Variants in CKAP5 observed in about 807,000 individuals in gnomAD.
The protein encoded by CKAP5 is cytoskeleton-associated protein 5.
Under a neutral mutation model 232.8 loss-of-function variants are expected in CKAP5, and 27 were observed. The ratio of observed to expected loss-of-function variants is 0.12; its 90% CI spans 0.09 to 0.16. The LOEUF (loss-of-function observed/expected upper bound fraction) is 0.16. CKAP5 is among the 10% of genes least tolerant of loss of function. The probability of loss-of-function intolerance (pLI) is 1.00; values close to 1 mark genes in which losing one functional copy is unlikely to be tolerated. For missense variants in CKAP5, 1,838 were observed against 2,424.7 expected, an observed-to-expected ratio of 0.76 and a Z score of 5.08; for synonymous variants, 785 against 841.1, an observed-to-expected ratio of 0.93 and a Z score of 1.16.
rs200909214 is a variant in CKAP5, at chr11:46,778,474, C to A, written c.2559G>T (p.Pro853=). The change falls in exon 21 of 44, where the codon CCG becomes CCT. Residue 853 remains proline, a synonymous_variant. Transcript: ENST00000529230. The part of the protein sequence containing the change: ...DGSNDVVDLL[P]RTEISDKITS... ...CTGGAACCTACCTGATCTCCGTCCT[C>A]GGCAAAAGATCAACGACATCATTGC... 4 of 1,614,144 alleles carry A rather than the reference C, an allele frequency of 2.5e-6. No individual in the cohort carries two copies. Among genetic ancestry groups the A allele is most frequent in the African/African-American group, 2.7e-5 (2 of 75,046 alleles).
Position 46,786,382 on chromosome 11 carries a change from C to T in CKAP5, c.1969-1709G>A, listed in dbSNP as rs542294424. Among the ~76,000 whole-genome samples, 5 of 152,278 alleles carry T rather than the reference C, an allele frequency of 3.3e-5. No homozygotes were observed. In the South Asian group the frequency reaches 8.3e-4, roughly 25 times the overall value. ...GTGGGGGGACAGCTCAGGTTTGGAC[C>T]TCCTCAAAAAGTTTTGACCCAAAGT... On this transcript the variant is annotated intron_variant, in intron 16 of 43. Coordinates refer to ENST00000529230, the MANE Select transcript of CKAP5 (RefSeq NM_001008938.4).
Position 46,750,385 on chromosome 11 carries a change from T to C in CKAP5, c.5593A>G (p.Ile1865Val). The C allele has an allele frequency of 1.4e-5, 23 of 1,614,176 alleles. No individual in the cohort carries two copies. Among genetic ancestry groups the C allele is most frequent in the Non-Finnish European group, 1.8e-5 (21 of 1,179,990 alleles). The change falls in exon 42 of 44, where the codon ATT becomes GTT. Residue 1865 changes from isoleucine (I) to valine (V), a missense_variant. Physicochemically the swap from Ile to Val is conservative, Grantham distance 29. Coordinates refer to ENST00000529230, the MANE Select transcript of CKAP5 (RefSeq NM_001008938.4). Reference sequence around the variant, plus strand: ...GAGGAATTTTTCAGAAATGGTTCAATGTCAGCATCTGAGTATTTCTTCTTA... The same window carrying C: ...GAGGAATTTTTCAGAAATGGTTCAACGTCAGCATCTGAGTATTTCTTCTTA... ...EYKKKYSDAD[I>V]EPFLKNSSQF...
chr11:46,817,897 CT>C (rs1453196166), intron 3 of CKAP5, among the ~76,000 whole-genome samples: 6 of 152,184 alleles, frequency 3.9e-5, no homozygotes, highest in African/African-American at 1.4e-4. Context: ...CATCACCTAT[CT>C]AACAACCCTT....
chr11:46,818,481 C>A lies in CKAP5; in HGVS notation c.80G>T (p.Gly27Val), dbSNP rs1441406657. ...GAAGATCTTCAGGGCCTCTTCATAC[C>A]CACTTAACCTTGCTTTCCACAGCTA... ...EHKLWKARLS[G>V]YEEALKIFQK... The change falls in exon 3 of 44, where the codon GGG becomes GTG. Residue 27 changes from glycine (G) to valine (V), a missense_variant. Gly to Val is a moderately radical substitution (Grantham distance 109). Around this residue, in one of 6 missense-constraint regions of CKAP5, gnomAD observed 285 missense variants for 300.0 expected, o/e 0.95. Transcript: ENST00000529230. 1 of 1,583,008 alleles carries A rather than the reference C, an allele frequency of 6.3e-7. No homozygotes were observed. The highest frequency in any genetic ancestry group is 8.5e-7 in the Non-Finnish European group (1 of 1,170,052).
At position 46,758,899 on chromosome 11, in the gene CKAP5, C is replaced by G. The variant is rs146199107; in HGVS notation, c.4689+24G>C. 5.7e-4 allele frequency: 915 copies of G among 1,612,810 alleles called. 8 individuals carry two copies. The African/African-American group carries it at 0.011, about 20-fold the overall frequency. On this transcript the variant is annotated intron_variant, in intron 35 of 43. Transcript: ENST00000529230. ...GCCTCTATGTCCACCAATGGAATCC[C>G]TGTCACGGGAGCACACCCATTACCT... is the stretch of plus-strand genomic sequence containing the variant.
chr11:46,758,709 A>T (rs1000640325), intron 35 of CKAP5: 2 of 408,918 alleles, frequency 4.9e-6, no homozygotes, highest in Non-Finnish European at 8.5e-6. Flanking sequence ...CTGGTCTCAA[A>T]AGAGGAAAAA....
At chr11:46,817,904 C>A (rs1006571147) in intron 3 of CKAP5, among the ~76,000 whole-genome samples, 4 of 152,118 alleles carry the variant, frequency 2.6e-5, no homozygotes, top group African/African-American at 4.8e-5. Flanking sequence ...TATCTAACAA[C>A]CCTTGTAAAA....
rs756348200 is a variant in CKAP5, at chr11:46,754,921, C to T, written c.4836G>A (p.Lys1612=). ...DEKLEKDEII[K]LYSCIIGNMI... Reference sequence around the variant, plus strand: ...TGTTGCCAATGATACAGCTATACAACTTGATGATCTCGTCCTTCTCCAATT... The same window carrying T: ...TGTTGCCAATGATACAGCTATACAATTTGATGATCTCGTCCTTCTCCAATT... The change falls in exon 36 of 44, where the codon AAG becomes AAA. Residue 1612 remains lysine (K), a synonymous_variant. Coordinates refer to ENST00000529230, the MANE Select transcript of CKAP5 (RefSeq NM_001008938.4). The T allele has an allele frequency of 1.2e-6, 2 of 1,613,800 alleles. No individual in the cohort carries two copies. Among genetic ancestry groups the T allele is most frequent in the Non-Finnish European group, 1.7e-6 (2 of 1,179,866 alleles).
At chr11:46,838,367 G>A (rs1424074141) in intron 1 of CKAP5, among the ~76,000 whole-genome samples, 1 of 152,044 alleles carries the variant, frequency 6.6e-6, no homozygotes, top group Middle Eastern at 3.2e-3. Flanking sequence ...GCCTGGTGCA[G>A]TGGCTCACAC....
intron 8 of CKAP5, among the ~76,000 whole-genome samples, chr11:46,803,514 C>T (rs777842241): frequency 4.6e-5 from 7 of 151,990 alleles, no homozygotes; most frequent in Non-Finnish European, 8.8e-5. Context: ...GCAATCAGCC[C>T]GCCTCGGCCT....
chr11:46,774,981 A>G (rs1366218949), intron 24 of CKAP5, among the ~76,000 whole-genome samples: 3 of 152,214 alleles, frequency 2.0e-5, no homozygotes, highest in African/African-American at 4.8e-5. Context: ...GCCAAAATTG[A>G]CAAATGGGAT....
intron 1 of CKAP5, among the ~76,000 whole-genome samples, chr11:46,823,246 G>C (rs553083967): frequency 1.4e-4 from 21 of 151,998 alleles, no homozygotes; most frequent in Non-Finnish European, 2.5e-4. Context: ...CCACCCCTAT[G>C]CTATCTATCT....
intron 27 of CKAP5, among the ~76,000 whole-genome samples, chr11:46,765,854 C>G (rs2065198713): frequency 6.6e-6 from 1 of 152,146 alleles, no homozygotes; most frequent in Non-Finnish European, 1.5e-5. Context: ...ATCCACCCAC[C>G]TCAGCCATTA....
In CKAP5 at chr11:46,777,535, A is replaced by G. The variant is rs1241971678; in HGVS notation, c.2766T>C (p.Asn922=). ...SNKILVQQTL[N]ILQQLAVAMG... is the part of the protein sequence containing the mutation. ...TGGCTACTGCCAGTTGTTGCAGGATATTCAGCGTTTGCTGTACCTGAGTGG... is the reference window on the plus strand; with the variant it reads ...TGGCTACTGCCAGTTGTTGCAGGATGTTCAGCGTTTGCTGTACCTGAGTGG... The change falls in exon 23 of 44, where the codon AAT becomes AAC. Residue 922 remains asparagine, a synonymous_variant. Coordinates refer to ENST00000529230, the MANE Select transcript of CKAP5 (RefSeq NM_001008938.4). 1 of 1,613,318 alleles carries G rather than the reference A, an allele frequency of 6.2e-7. No individual in the cohort carries two copies. Among genetic ancestry groups the G allele is most frequent in the African/African-American group, 1.3e-5 (1 of 74,918 alleles).
intron 1 of CKAP5, among the ~76,000 whole-genome samples, chr11:46,838,691 G>C (rs1592493679): frequency 6.9e-6 from 1 of 145,490 alleles, no homozygotes; most frequent in Non-Finnish European, 1.5e-5. Context: ...AGCCACTAGA[G>C]GCTGAGGTGA....
Position 46,783,143 on chromosome 11 carries a change from C to A in CKAP5, c.2249+131G>T, listed in dbSNP as rs527382269. The A allele has an allele frequency of 3.9e-5, 20 of 516,852 alleles. No individual in the cohort carries two copies. In the African/African-American group the frequency reaches 3.9e-4, roughly 10 times the overall value. The allele number at this position is 516,852 out of a possible 1,614,324, so 32.0% of individuals were successfully genotyped here. On this transcript the variant is annotated intron_variant, in intron 18 of 43. Coordinates refer to ENST00000529230, the MANE Select transcript of CKAP5 (RefSeq NM_001008938.4). ...GACCTTTGAGAACAAAGGTAATTTT[C>A]TTTTATATAAATGAGACAATCCAGC...
chr11:46,750,847 CT>C (rs2065059129), intron 40 of CKAP5, among the ~76,000 whole-genome samples: 1 of 152,226 alleles, frequency 6.6e-6, no homozygotes, highest in Non-Finnish European at 1.5e-5. Flanking sequence ...CTGACATATT[CT>C]TTCCATGTTA....
At position 46,743,276 on chromosome 11, in the gene CKAP5, T is replaced by A. The variant is rs929148708; in HGVS notation, c.*747A>T. The A allele has an allele frequency of 6.6e-6, 1 of 152,118 alleles. No homozygotes were observed. The highest frequency in any genetic ancestry group is 2.4e-5 in the African/African-American group (1 of 41,426). 9.4% of individuals were successfully genotyped at this position (152,118 alleles called of 1,614,324 possible). On this transcript the variant is annotated 3_prime_UTR_variant, in exon 44 of 44. Transcript: ENST00000529230. ...AGCTTCTTGAAACGACTGGTGATAA[T>A]TGGAGGGAAATCATGACCAAAATCT...
At chr11:46,747,204 G>C (rs1420922154) in intron 42 of CKAP5, among the ~76,000 whole-genome samples, 1 of 152,168 alleles carries the variant, frequency 6.6e-6, no homozygotes, top group Admixed American at 6.6e-5. Context: ...TGATATGCAT[G>C]ACTAGACACA....
Sources: gnomAD v4.1 joint callset for allele counts (sites outside exome capture counted in the v4.1 genomes callset) on GRCh38, gnomAD v4.1.1 for gene constraint, gnomAD v4.1.1 regional missense constraint, MANE v1.5 for transcripts, NCBI Gene and HGNC (gene_info 2026-07-23, HGNC 2026-07-21) for gene names.